Variants in COL4A1 observed in about 807,000 individuals in gnomAD.
The protein encoded by COL4A1 is collagen type IV alpha 1 chain, also known as collagen alpha-1(IV) chain.
COL4A1 carries 40 observed loss-of-function variants against 216.6 expected under a neutral mutation model. The observed-to-expected ratio is 0.18, with a 90% CI of 0.14 to 0.24. The LOEUF (loss-of-function observed/expected upper bound fraction) is 0.24. Ranked by LOEUF, COL4A1 falls within the 10% of genes least tolerant of loss-of-function variation. The probability of loss-of-function intolerance (pLI) is 1.00; values close to 1 mark genes in which losing one functional copy is unlikely to be tolerated. For synonymous variants in COL4A1, 839 were observed against 810.7 expected (o/e 1.03, Z -0.59); for missense variants, 1,628 against 2,196.8 (o/e 0.74, Z 5.18).
chr13:110,206,129 A>G (rs565133084), intron 15 of COL4A1, among the ~76,000 whole-genome samples: 4 of 152,254 alleles, frequency 2.6e-5, no homozygotes, highest in Non-Finnish European at 5.9e-5. Flanking sequence ...AGCAAAGCTA[A>G]CATTAGAGAA....
rs1015919709 is a variant in COL4A1 at position 110,255,080 on chromosome 13, C to T, written c.85-12346G>A. On this transcript the variant is annotated intron_variant, in intron 1 of 51. Transcript: ENST00000375820. Reference sequence around the variant, plus strand: ...CAAGCCAGCAGGAGCACACTTCCCGCGGAGGAGGTCTGTGTGCCAGCAGAA... The same window carrying T: ...CAAGCCAGCAGGAGCACACTTCCCGTGGAGGAGGTCTGTGTGCCAGCAGAA... Among the ~76,000 whole-genome samples, 6 of 152,306 alleles carry T rather than the reference C, an allele frequency of 3.9e-5. No individual in the cohort carries two copies. In the East Asian group the frequency reaches 7.7e-4, roughly 20 times the overall value.
At chr13:110,283,897 A>T (rs1362478698) in intron 1 of COL4A1, among the ~76,000 whole-genome samples, 2 of 152,300 alleles carry the variant, frequency 1.3e-5, no homozygotes, top group East Asian at 3.9e-4. Flanking sequence ...TGTCGACAGG[A>T]TGGGAGATGA....
Position 110,152,449 on chromosome 13 carries a change from G to A in COL4A1, c.4813C>T (p.Leu1605=). Residue 1605 remains leucine, a synonymous_variant, in exon 51 of 52, where the codon CTG becomes TTG. Coordinates refer to ENST00000375820, the MANE Select transcript of COL4A1 (RefSeq NM_001845.6). ...GQALASPGSC[L]EEFRSAPFIE... Reference sequence around the variant, plus strand: ...AATGGCGCACTTCTAAACTCCTCCAGGCAGGAGCCGGGGGACGCCAGGGCT... The same window carrying A: ...AATGGCGCACTTCTAAACTCCTCCAAGCAGGAGCCGGGGGACGCCAGGGCT... 1 of 1,614,114 alleles carries A rather than the reference G, an allele frequency of 6.2e-7. No homozygotes were observed. The highest frequency in any genetic ancestry group is 8.5e-7 in the Non-Finnish European group (1 of 1,180,044).
rs1876436873 is a variant in COL4A1 at position 110,150,285 on chromosome 13, T to C, written c.*78A>G. 3 of 1,351,082 alleles carry C rather than the reference T, an allele frequency of 2.2e-6. No homozygotes were observed. Among genetic ancestry groups the C allele is most frequent in the South Asian group, 2.5e-5 (2 of 80,650 alleles). 83.7% of individuals were successfully genotyped at this position (1,351,082 alleles called of 1,614,324 possible). Reference sequence around the variant, plus strand: ...ATTGGACAGTGAGGTACACAGGATATATTTCTAGGGTTCGTTGCTGTTAAC... The same window carrying C: ...ATTGGACAGTGAGGTACACAGGATACATTTCTAGGGTTCGTTGCTGTTAAC... On this transcript the variant is annotated 3_prime_UTR_variant, in exon 52 of 52. Transcript: ENST00000375820.
chr13:110,253,568 A>G (rs1436455598), intron 1 of COL4A1, among the ~76,000 whole-genome samples: 1 of 143,160 alleles, frequency 7.0e-6, no homozygotes, highest in Non-Finnish European at 1.5e-5. Context: ...AATTATACGT[A>G]TGTATGTATT....
intron 2 of COL4A1, among the ~76,000 whole-genome samples, chr13:110,234,500 T>G (rs1226610581): frequency 6.6e-6 from 1 of 151,966 alleles, no homozygotes; most frequent in Non-Finnish European, 1.5e-5. Flanking sequence ...GAGAATCACT[T>G]GAACCCAGGA....
At position 110,164,968 on chromosome 13, in the gene COL4A1, G is replaced by A. The variant is rs1381705110; in HGVS notation, c.4044C>T (p.Pro1348=). Residue 1348 remains proline (P), a synonymous_variant, in exon 46 of 52, where the codon CCC becomes CCT. Transcript: ENST00000375820. The stretch of plus-strand genomic sequence containing the variant: ...CTTTGATGATGTCGTAAGGACCTGG[G>A]GGGCCAGGAGGACCCGGGAGACCTG... ...GAKGLPGPPG[P]PGPYDIIKGE... 6 of 1,605,190 alleles carry A rather than the reference G, an allele frequency of 3.7e-6. No homozygotes were observed. The highest frequency in any genetic ancestry group is 2.2e-5 in the East Asian group (1 of 44,600).
In COL4A1 at chr13:110,187,272, C is replaced by A; in HGVS notation, c.1594G>T (p.Glu532Ter). 6.2e-7 allele frequency: 1 copy of A among 1,613,526 alleles called. No homozygotes were observed. Among genetic ancestry groups the A allele is most frequent in the Middle Eastern group, 1.7e-4 (1 of 5,720 alleles). ...GQPGAKGEPG[E>*]FYFDLRLKGD... The stretch of plus-strand genomic sequence containing the variant: ...TTGAGCCGCAAGTCGAAATAAAACT[C>A]ACCAGGCTCCCCCTTGGCTCCTGGC... Residue 532 changes from glutamate (E) to a stop codon, truncating the protein, a stop_gained, in exon 25 of 52, where the codon GAG becomes TAG. Transcript: ENST00000375820. LOFTEE classifies it high-confidence loss of function.
intron 25 of COL4A1, among the ~76,000 whole-genome samples, 168 bp from the exon 26 acceptor site, chr13:110,186,721 A>G (rs1878423090): frequency 6.6e-6 from 1 of 152,232 alleles, no homozygotes; most frequent in South Asian, 2.1e-4. Context: ...TTAATAAGTG[A>G]AACCAGCATT....
intron 4 of COL4A1, 56 bp from the exon 5 acceptor site, chr13:110,212,674 C>T (rs965956862): frequency 6.3e-7 from 1 of 1,590,718 alleles, no homozygotes. Flanking sequence ...CTCACTTCCT[C>T]CTCCTGCATC....
intron 17 of COL4A1, among the ~76,000 whole-genome samples, chr13:110,204,630 T>C (rs548559246): frequency 2.4e-4 from 35 of 146,810 alleles, no homozygotes; most frequent in African/African-American, 7.4e-4. Context: ...GCCTGTCAGA[T>C]TGACAAATAT....
At chr13:110,229,788 AC>A (rs1215522511) in intron 2 of COL4A1, among the ~76,000 whole-genome samples, 6 of 152,098 alleles carry the variant, frequency 3.9e-5, no homozygotes, top group African/African-American at 1.4e-4. Context: ...TGCTGCTGAA[AC>A]CACCCAGTCT....
At chr13:110,247,834 T>TGTGTCAGAGAGAGAGGGAGGGAGG (rs1491092763) in intron 1 of COL4A1, among the ~76,000 whole-genome samples, 1 of 87,294 alleles carries the variant, frequency 1.1e-5, no homozygotes, top group African/African-American at 4.9e-5. Flanking sequence ...TGTGTGTGTG[T>TGTGTCAGAGAGAGAGGGAGGGAGG]GGCAGAGAGA....
rs1346559966 is a variant in COL4A1, at chr13:110,213,942, C to T, written c.218G>A (p.Gly73Glu). ...CGTGCTTACCTTTTGTCCTGGTGGTCCCTGTGGCCCCTCAGGTCCTTGCAT... is the reference window on the plus strand; with the variant it reads ...CGTGCTTACCTTTTGTCCTGGTGGTTCCTGTGGCCCCTCAGGTCCTTGCAT... ...PGMQGPEGPQ[G>E]PPGQKGDTGE... The change falls in exon 3 of 52, where the codon GGA becomes GAA. Residue 73 changes from glycine (G) to glutamate (E), a missense_variant. By Grantham distance (98) the Gly-to-Glu change is moderately conservative. This residue lies in a region of COL4A1 where 150 missense variants were observed against 211.9 expected (regional missense o/e 0.71). Transcript: ENST00000375820. The T allele has an allele frequency of 6.2e-7, 1 of 1,613,946 alleles. No homozygotes were observed. Among genetic ancestry groups the T allele is most frequent in the Non-Finnish European group, 8.5e-7 (1 of 1,180,012 alleles).
chr13:110,203,217 A>T (rs1224612029), intron 18 of COL4A1, among the ~76,000 whole-genome samples: 1 of 152,222 alleles, frequency 6.6e-6, no homozygotes, highest in African/African-American at 2.4e-5. Flanking sequence ...CATTTCAAAA[A>T]AAAAAAGGAG....
chr13:110,183,387 G>T, intron 26 of COL4A1, 111 bp from the exon 27 acceptor site: 1 of 986,794 alleles, frequency 1.0e-6, no homozygotes, highest in Non-Finnish European at 1.6e-6. Flanking sequence ...AGCACCACGA[G>T]TGCCCGGAGA....
At position 110,293,350 on chromosome 13, in the gene COL4A1, C is replaced by T. The variant is rs74124072; in HGVS notation, c.84+13594G>A. 5.1e-3 allele frequency among the ~76,000 whole-genome samples: 784 copies of T among 152,310 alleles called. 9 individuals are homozygous for T. The highest frequency in any genetic ancestry group is 0.018 in the African/African-American group (748 of 41,564). ...AATGTTGTAGAGGTAGCGGCTGCTG[C>T]GTCTACCTAGAAGGCTATGAATGAT... On this transcript the variant is annotated intron_variant, in intron 1 of 51. Coordinates refer to ENST00000375820, the MANE Select transcript of COL4A1 (RefSeq NM_001845.6).
chr13:110,201,229 G>A (rs928148162), intron 19 of COL4A1, among the ~76,000 whole-genome samples: 2 of 126,942 alleles, frequency 1.6e-5, no homozygotes, highest in South Asian at 5.0e-4. Context: ...AAAGCGTGGG[G>A]AGAGAGAGAG....
At chr13:110,298,539 T>C (rs1566454024) in intron 1 of COL4A1, 6 of 152,256 alleles carry the variant, frequency 3.9e-5, no homozygotes, top group Admixed American at 2.6e-4. Flanking sequence ...CCTGCTTTGG[T>C]AAGTTTATCT....
Sources: gnomAD v4.1 joint callset for allele counts (sites outside exome capture counted in the v4.1 genomes callset) on GRCh38, gnomAD v4.1.1 for gene constraint, gnomAD v4.1.1 regional missense constraint, MANE v1.5 for transcripts, NCBI Gene and HGNC (gene_info 2026-07-23, HGNC 2026-07-21) for gene names.